Variants in MYO9A observed in about 807,000 individuals in gnomAD.
MYO9A encodes unconventional myosin-IXa.
In MYO9A, 103 loss-of-function variants were observed where a neutral mutation model predicts 293.3. The observed-to-expected ratio is 0.35, with a 90% CI of 0.30 to 0.41. The LOEUF (loss-of-function observed/expected upper bound fraction) is 0.41. MYO9A is among the 10% of genes least tolerant of loss of function. The pLI is 1.00. For missense variants in MYO9A, 2,685 were observed against 3,033.0 expected, an observed-to-expected ratio of 0.89 and a Z score of 2.69; for synonymous variants, 1,001 against 1,035.7, an observed-to-expected ratio of 0.97 and a Z score of 0.64.
At chr15:72,009,042 T>C (rs1370608277) in intron 7 of MYO9A, among the ~76,000 whole-genome samples, 2 of 152,128 alleles carry the variant, frequency 1.3e-5, no homozygotes, top group Non-Finnish European at 2.9e-5. Context: ...TTTAAATCTT[T>C]GAATCATTCA....
intron 3 of MYO9A, among the ~76,000 whole-genome samples, chr15:72,028,747 T>C (rs2077766396): frequency 6.6e-6 from 1 of 151,908 alleles, no homozygotes; most frequent in South Asian, 2.1e-4. Flanking sequence ...CTTCCAGACA[T>C]ACTTTGGACA....
rs565840900 is a variant in MYO9A at position 71,908,260 on chromosome 15, T to C, written c.2686-3254A>G. 7.2e-5 allele frequency among the ~76,000 whole-genome samples: 11 copies of C among 152,328 alleles called. No homozygotes were observed. The East Asian group carries it at 7.7e-4, about 11-fold the overall frequency. On this transcript the variant is annotated intron_variant, in intron 19 of 41. Coordinates refer to ENST00000356056, the MANE Select transcript of MYO9A (RefSeq NM_006901.4). ...GTCAAAGATCAGATAGTTGTAGATA[T>C]ACAGCGTTATTTCTGAGGGCTCTGT...
intron 8 of MYO9A, among the ~76,000 whole-genome samples, chr15:72,000,391 G>C (rs569601260): frequency 6.7e-4 from 102 of 152,062 alleles, no homozygotes; most frequent in Non-Finnish European, 1.3e-3. Flanking sequence ...TTATGTTTCA[G>C]ATATTTCTTC....
rs1002099474 is a variant in MYO9A, at chr15:71,991,765, T to C, written c.1588-528A>G. Among the ~76,000 whole-genome samples the C allele has an allele frequency of 5.3e-5, 8 of 152,246 alleles. No homozygotes were observed. In the South Asian group the frequency reaches 6.2e-4, roughly 12 times the overall value. ...ATGTCAGAACGTATGGTTTCTTTTT[T>C]ATTTTTGAGACGGAGTCTCGATCTG... On this transcript the variant is annotated intron_variant, in intron 10 of 41. Transcript: ENST00000356056.
At chr15:71,990,206 T>G (rs2076504394) in intron 11 of MYO9A, among the ~76,000 whole-genome samples, 1 of 151,490 alleles carries the variant, frequency 6.6e-6, no homozygotes, top group Admixed American at 6.6e-5. Flanking sequence ...CACCTGAGTC[T>G]CCTGAGTAGC....
rs1403807975 is a variant in MYO9A, at chr15:72,041,181, G to A, written c.840+4543C>T. On this transcript the variant is annotated intron_variant, in intron 2 of 41. Transcript: ENST00000356056. ...AATTGCTTAAGCCAGGGAGGTTGAG[G>A]CTCCCATTTATTTGCAGGGTTTTAT... The A allele has an allele frequency of 4.9e-6, 6 of 1,226,476 alleles. No individual in the cohort carries two copies. The African/African-American group carries it at 9.0e-5, about 18-fold the overall frequency. The allele number at this position is 1,226,476 out of a possible 1,614,324, so 76.0% of individuals were successfully genotyped here. A position where few individuals can be genotyped will look rare whatever the true frequency, so the allele number is the denominator to read the frequency against.
chr15:72,053,609 C>T (rs966198948), intron 1 of MYO9A, among the ~76,000 whole-genome samples: 16 of 152,066 alleles, frequency 1.1e-4, no homozygotes, highest in African/African-American at 3.9e-4. Flanking sequence ...ACTGAGTAGA[C>T]ATGAACACAA....
At chr15:72,001,033 C>A (rs970573841) in intron 8 of MYO9A, among the ~76,000 whole-genome samples, 5 of 152,102 alleles carry the variant, frequency 3.3e-5, no homozygotes, top group African/African-American at 1.2e-4. Flanking sequence ...GAGAATACTA[C>A]CAAACTCCTA....
intron 15 of MYO9A, among the ~76,000 whole-genome samples, chr15:71,945,982 A>AAT (rs1404361560): frequency 6.6e-6 from 1 of 152,186 alleles, no homozygotes; most frequent in African/African-American, 2.4e-5. Context: ...CTACTGAGAC[A>AAT]ATCATATGTG....
intron 40 of MYO9A, among the ~76,000 whole-genome samples, chr15:71,828,751 A>T (rs1423476383): frequency 6.6e-6 from 1 of 152,158 alleles, no homozygotes; most frequent in African/African-American, 2.4e-5. Flanking sequence ...AACTCATCTG[A>T]ATATTCTAAC....
intron 4 of MYO9A, among the ~76,000 whole-genome samples, chr15:72,026,432 C>T (rs550390960): frequency 6.6e-6 from 1 of 151,110 alleles, no homozygotes; most frequent in East Asian, 1.9e-4. Flanking sequence ...AAACACTACA[C>T]CAATACATGG....
chr15:71,946,836 G>T (rs556655565), intron 15 of MYO9A, among the ~76,000 whole-genome samples: 8 of 152,300 alleles, frequency 5.3e-5, no homozygotes, highest in South Asian at 2.1e-4. Context: ...GCTTTAGGCC[G>T]GATGTAGTGG....
intron 39 of MYO9A, among the ~76,000 whole-genome samples, chr15:71,833,033 TA>T (rs1310129361): frequency 6.7e-6 from 1 of 149,570 alleles, no homozygotes; most frequent in East Asian, 2.0e-4. Context: ...AAAAAAGTAG[TA>T]AAAAAATGCA....
At chr15:71,997,634 A>C (rs2076736298) in intron 9 of MYO9A, among the ~76,000 whole-genome samples, 1 of 151,308 alleles carries the variant, frequency 6.6e-6, no homozygotes, top group Non-Finnish European at 1.5e-5. Flanking sequence ...AAAAATAAAC[A>C]AAAAAAAAGT....
Position 71,826,647 on chromosome 15 carries a change from G to A in MYO9A, c.7580C>T (p.Thr2527Ile), listed in dbSNP as rs2054513081. Reference protein sequence around the residue: ...EGTVMSGRRKTVDPDCTSNQQ... With the variant: ...EGTVMSGRRKIVDPDCTSNQQ... Reference sequence around the variant, plus strand: ...GTTGGAGGTGCAGTCTGGGTCCACAGTTTTTCTGCGGCCAGACATGACTGT... The same window carrying A: ...GTTGGAGGTGCAGTCTGGGTCCACAATTTTTCTGCGGCCAGACATGACTGT... The change falls in exon 42 of 42, where the codon ACT becomes ATT. Residue 2527 changes from threonine (T) to isoleucine (I), a missense_variant. By Grantham distance (89) the Thr-to-Ile change is moderately conservative. Around this residue, in one of 10 missense-constraint regions of MYO9A, gnomAD observed 350 missense variants for 328.9 expected, o/e 1.06. Coordinates refer to ENST00000356056, the MANE Select transcript of MYO9A (RefSeq NM_006901.4). The A allele has an allele frequency of 6.2e-7, 1 of 1,613,084 alleles. No homozygotes were observed. Among genetic ancestry groups the A allele is most frequent in the Non-Finnish European group, 8.5e-7 (1 of 1,179,820 alleles).
chr15:72,067,247 G>A (rs1387534019), intron 1 of MYO9A, among the ~76,000 whole-genome samples: 1 of 151,040 alleles, frequency 6.6e-6, no homozygotes, highest in Non-Finnish European at 1.5e-5. Context: ...CTAAATACCT[G>A]AGAAAAGTAC....
At position 72,070,976 on chromosome 15, in the gene MYO9A, C is replaced by G. The variant is rs567581893; in HGVS notation, c.-71-24342G>C. Among the ~76,000 whole-genome samples the G allele has an allele frequency of 2.0e-5, 3 of 152,250 alleles. No individual in the cohort carries two copies. The East Asian group carries it at 5.8e-4, about 29-fold the overall frequency. On this transcript the variant is annotated intron_variant, in intron 1 of 41. Coordinates refer to ENST00000356056, the MANE Select transcript of MYO9A (RefSeq NM_006901.4). Reference sequence around the variant, plus strand: ...CTAGGAGGAAACTAGAAAAAAAATTCATCTGAACATTTGCCTAGGCAAAGA... The same window carrying G: ...CTAGGAGGAAACTAGAAAAAAAATTGATCTGAACATTTGCCTAGGCAAAGA...
intron 15 of MYO9A, chr15:71,950,243 T>C (rs1388901486): frequency 6.6e-6 from 1 of 152,196 alleles, no homozygotes; most frequent in Non-Finnish European, 1.5e-5. Context: ...CATAAAATAA[T>C]GGAAGAGCTC....
intron 32 of MYO9A, among the ~76,000 whole-genome samples, chr15:71,875,115 T>C (rs1361528539): frequency 6.6e-6 from 1 of 152,000 alleles, no homozygotes; most frequent in Non-Finnish European, 1.5e-5. Flanking sequence ...AACCACATAA[T>C]ATATATGTGA....
Sources: allele counts gnomAD v4.1 joint callset (sites outside exome capture counted in the v4.1 genomes callset), GRCh38; gene constraint gnomAD v4.1.1; regional missense constraint gnomAD v4.1.1; transcripts MANE v1.5; gene names NCBI Gene and HGNC (gene_info 2026-07-23, HGNC 2026-07-21).